Variants in TNR observed in about 807,000 individuals in gnomAD.
TNR encodes the protein tenascin R.
In TNR, 45 loss-of-function variants were observed where a neutral mutation model predicts 150.4. That is an observed-to-expected ratio of 0.30 (90% confidence interval 0.24 to 0.38). The LOEUF (loss-of-function observed/expected upper bound fraction) is 0.38, where lower values mean the gene tolerates loss of function less well. Among genes scored for constraint, TNR ranks in the 10% least tolerant of loss-of-function variants. The pLI is 1.00. For synonymous variants in TNR, 687 were observed against 678.4 expected, an observed-to-expected ratio of 1.01 and a Z score of -0.20; for missense variants, 1,544 against 1,759.1, an observed-to-expected ratio of 0.88 and a Z score of 2.19.
chr1:175,438,559 C>T (rs1477930424), intron 2 of TNR, among the ~76,000 whole-genome samples: 6 of 151,960 alleles, frequency 3.9e-5, no homozygotes, highest in South Asian at 2.1e-4. Context: ...AAATAAAGGG[C>T]ATTCAATTAG....
chr1:175,580,990 C>T (rs10489311), intron 1 of TNR, among the ~76,000 whole-genome samples: 18,755 of 152,204 alleles, frequency 0.12, 1,473 homozygotes, highest in African/African-American at 0.22. Context: ...GTAGTTATGA[C>T]TGACAGCAAG....
At position 175,488,680 on chromosome 1, in the gene TNR, C is replaced by T. The variant is rs537690441; in HGVS notation, c.-64+39589G>A. Among the ~76,000 whole-genome samples the T allele has an allele frequency of 4.3e-4, 66 of 152,262 alleles. 1 individual carries two copies. The Middle Eastern group carries it at 0.014, about 31-fold the overall frequency. On this transcript the variant is annotated intron_variant, in intron 2 of 22. Coordinates refer to ENST00000367674, the MANE Select transcript of TNR (RefSeq NM_003285.3). ...CTGAATATTGATCCCCAGCTGCCAC[C>T]GAAGTTCTACTATGGGCTAGTGCAC...
Position 175,714,147 on chromosome 1 carries a change from C to G in TNR, c.-165+29079G>C, listed in dbSNP as rs183229810. ...AAACTCCTGCACCCTTTAGCTCTGG[C>G]CCACCTGGGTGCCCTCCTTGGCATC... is the stretch of plus-strand genomic sequence containing the variant. On this transcript the variant is annotated intron_variant, in intron 1 of 22. Transcript: ENST00000367674. Among the ~76,000 whole-genome samples, 225 of 151,948 alleles carry G rather than the reference C, an allele frequency of 1.5e-3. 1 individual carries two copies. Among genetic ancestry groups the G allele is most frequent in the South Asian group, 5.0e-3 (24 of 4,794 alleles).
rs550426811 is a variant in TNR, at chr1:175,647,183, G to A, written c.-165+96043C>T. On this transcript the variant is annotated intron_variant, in intron 1 of 22. Transcript: ENST00000367674. ...ATTGTTTAAAACAGCAACTGATTTC[G>A]CCCTGGGTGAAAATATTTGGCATAT... 9.9e-5 allele frequency among the ~76,000 whole-genome samples: 15 copies of A among 152,190 alleles called. No homozygotes were observed. The South Asian group carries it at 1.7e-3, about 17-fold the overall frequency.
intron 1 of TNR, among the ~76,000 whole-genome samples, chr1:175,573,920 G>T (rs942583390): frequency 9.2e-5 from 14 of 152,216 alleles, no homozygotes; most frequent in African/African-American, 3.1e-4. Context: ...CTTGGCATGA[G>T]CAATTAAAAT....
chr1:175,617,181 C>A (rs183235300), intron 1 of TNR, among the ~76,000 whole-genome samples: 6 of 152,290 alleles, frequency 3.9e-5, no homozygotes, highest in African/African-American at 1.4e-4. Context: ...GTGCTTGCTG[C>A]CATATTCGCT....
chr1:175,445,639 T>C (rs918092622), intron 2 of TNR, among the ~76,000 whole-genome samples: 1 of 152,206 alleles, frequency 6.6e-6, no homozygotes, highest in Non-Finnish European at 1.5e-5. Context: ...CGACTGGTAA[T>C]TACAGTATAT....
chr1:175,561,373 G>A (rs1284414903), intron 1 of TNR, among the ~76,000 whole-genome samples: 1 of 152,170 alleles, frequency 6.6e-6, no homozygotes, highest in Non-Finnish European at 1.5e-5. Context: ...CAATCGGAAA[G>A]CAGCATAATC....
At chr1:175,500,963 C>A (rs1479790625) in intron 2 of TNR, among the ~76,000 whole-genome samples, 3 of 152,146 alleles carry the variant, frequency 2.0e-5, no homozygotes, top group Non-Finnish European at 4.4e-5. Flanking sequence ...GAGAGGAGTC[C>A]AAGATGGCCC....
intron 1 of TNR, among the ~76,000 whole-genome samples, chr1:175,696,224 T>TTTTTGTTGTTGTTG (rs35384139): frequency 8.3e-6 from 1 of 120,406 alleles, no homozygotes. Flanking sequence ...GTAGTTTTTT[T>TTTTTGTTGTTGTTG]TTTTTTTTTT....
chr1:175,738,949 A>C (rs1667848388), intron 1 of TNR, among the ~76,000 whole-genome samples: 1 of 152,192 alleles, frequency 6.6e-6, no homozygotes, highest in African/African-American at 2.4e-5. Context: ...GCTTCTGCCG[A>C]ATCATCTACT....
At chr1:175,466,237 T>G (rs1015981824) in intron 2 of TNR, among the ~76,000 whole-genome samples, 1 of 152,228 alleles carries the variant, frequency 6.6e-6, no homozygotes, top group African/African-American at 2.4e-5. Flanking sequence ...TAAGGTCACA[T>G]AGCTAGGAAT....
intron 1 of TNR, among the ~76,000 whole-genome samples, chr1:175,697,758 G>C (rs1487363008): frequency 6.6e-6 from 1 of 152,200 alleles, no homozygotes; most frequent in African/African-American, 2.4e-5. Context: ...CCATGGGCCC[G>C]ATTCAAGCCC....
At chr1:175,324,173 C>T (rs1193082461) in intron 22 of TNR, among the ~76,000 whole-genome samples, 183 bp downstream of exon 22, 1 of 152,182 alleles carries the variant, frequency 6.6e-6, no homozygotes, top group Non-Finnish European at 1.5e-5. Flanking sequence ...CCTTTCCTTT[C>T]CTTCCTCTGG....
At chr1:175,720,408 G>T (rs1313489434) in intron 1 of TNR, among the ~76,000 whole-genome samples, 2 of 152,182 alleles carry the variant, frequency 1.3e-5, no homozygotes, top group African/African-American at 4.8e-5. Flanking sequence ...AATTCCTGTT[G>T]TTTAAACCTC....
Position 175,354,428 on chromosome 1 carries a change from G to T in TNR, c.3345C>A (p.Thr1115=). The change falls in exon 18 of 23, where the codon ACC becomes ACA. Residue 1115 remains threonine (T), a synonymous_variant. Coordinates refer to ENST00000367674, the MANE Select transcript of TNR (RefSeq NM_003285.3). ...CGGTGGAGGTGATGCTGCTCCACGT[G>T]GTGTCCTGTGCTGCCTGCAGGAGCA... The part of the protein sequence containing the change: ...YTVLLQAAQD[T]TWSSITSTAF... The T allele has an allele frequency of 1.2e-6, 2 of 1,614,118 alleles. No individual in the cohort carries two copies. Among genetic ancestry groups the T allele is most frequent in the Non-Finnish European group, 1.7e-6 (2 of 1,179,978 alleles).
In TNR at chr1:175,406,619, C is replaced by A. The variant is rs1557913868; in HGVS notation, c.96G>T (p.Gln32His). ...GGACCCTTTCTGTGGTGACCTCCAG[C>A]TGACACTCTGAAGGCTTGATCATGG... ...LGSMIKPSEC[Q>H]LEVTTERVQR... is the part of the protein sequence containing the mutation. The change falls in exon 3 of 23, where the codon CAG (glutamine) becomes CAT (histidine). Residue 32 changes from glutamine (Q) to histidine (H), a missense_variant. Physicochemically the swap from Gln to His is conservative, Grantham distance 24. Coordinates refer to ENST00000367674, the MANE Select transcript of TNR (RefSeq NM_003285.3). 1 of 1,614,236 alleles carries A rather than the reference C, an allele frequency of 6.2e-7. No homozygotes were observed. The highest frequency in any genetic ancestry group is 1.3e-5 in the African/African-American group (1 of 75,052).
chr1:175,453,284 T>C lies in TNR; in HGVS notation c.-63-46507A>G, dbSNP rs1448802891. ...TCATCCGGATGATTGGTGACGTGTT[T>C]TGGAAATAAAGCTGAGCCAGACTTG... On this transcript the variant is annotated intron_variant, in intron 2 of 22. Transcript: ENST00000367674. Among the ~76,000 whole-genome samples the C allele has an allele frequency of 3.9e-5, 6 of 151,926 alleles. No individual in the cohort carries two copies. The South Asian group carries it at 1.3e-3, about 32-fold the overall frequency.
At chr1:175,673,315 C>T (rs1026299019) in intron 1 of TNR, among the ~76,000 whole-genome samples, 6 of 152,138 alleles carry the variant, frequency 3.9e-5, no homozygotes, top group African/African-American at 7.2e-5. Context: ...TCATTTGTCC[C>T]GAGAATTAGC....
Sources: allele counts gnomAD v4.1 joint callset (sites outside exome capture counted in the v4.1 genomes callset), GRCh38; gene constraint gnomAD v4.1.1; transcripts MANE v1.5; gene names NCBI Gene and HGNC (gene_info 2026-07-23, HGNC 2026-07-21).